COQ8B: variants seen among roughly 807,000 people sequenced by gnomAD.
COQ8B encodes the protein coenzyme Q8B.
Under a neutral mutation model 62.0 loss-of-function variants are expected in COQ8B, and 44 were observed. The observed-to-expected ratio is 0.71, with a 90% confidence interval of 0.56 to 0.91. The LOEUF is 0.91. Ranked by LOEUF, COQ8B falls within the 40% of genes least tolerant of loss-of-function variation. The probability of loss-of-function intolerance (pLI) is 0.00; values close to 1 mark genes in which losing one functional copy is unlikely to be tolerated. For synonymous variants in COQ8B, 252 were observed against 289.9 expected (o/e 0.87, Z 1.33); for missense variants, 649 against 731.6 (o/e 0.89, Z 1.30).
At chr19:40,704,502 G>A (rs1468558420) in intron 7 of COQ8B, 1 of 153,256 alleles carries the variant, frequency 6.5e-6, no homozygotes, top group Admixed American at 6.5e-5. Context: ...CAGTTACTGT[G>A]ATCAAGAAGA....
In COQ8B at chr19:40,703,639, G is replaced by A. The variant is rs1251820003; in HGVS notation, c.718-17C>T. 2 of 1,613,314 alleles carry A rather than the reference G, an allele frequency of 1.2e-6. No homozygotes were observed. The highest frequency in any genetic ancestry group is 1.7e-6 in the Non-Finnish European group (2 of 1,179,600). ...GCCGGGGTACTGTAAAGGGAGAAGG[G>A]AGGGAGAGAAGGTGGGAGTCACTTC... On this transcript the variant is annotated splice_polypyrimidine_tract_variant and intron_variant, in intron 8 of 14. Transcript: ENST00000324464.
At chr19:40,704,447 G>A (rs2082084988) in intron 7 of COQ8B, 1 of 153,338 alleles carries the variant, frequency 6.5e-6, no homozygotes, top group African/African-American at 2.4e-5. Context: ...CATTACACGT[G>A]GCCAACCATC....
chr19:40,701,812 TAC>T (rs2082062928), intron 10 of COQ8B, among the ~76,000 whole-genome samples: 1 of 152,172 alleles, frequency 6.6e-6, no homozygotes. Context: ...ACTCTCTGTC[TAC>T]AGAGCTTGGC....
Position 40,692,368 on chromosome 19 carries a change from G to C in COQ8B, c.1302C>G (p.Phe434Leu), listed in dbSNP as rs780604172. ...KFLTGFETKAFSDAHVEAVMI... is the reference protein window; with the variant it reads ...KFLTGFETKALSDAHVEAVMI... The stretch of plus-strand genomic sequence containing the variant: ...TCACTGCCTCCACGTGGGCGTCGGA[G>C]AATGCCTGGGAGTGGGGGTGGGGGG... Residue 434 changes from phenylalanine (F) to leucine (L), a missense_variant, in exon 15 of 15, where the codon TTC (phenylalanine) becomes TTG (leucine). By Grantham distance (22) the Phe-to-Leu change is conservative (BLOSUM62 0). Transcript: ENST00000324464. 23 of 1,612,814 alleles carry C rather than the reference G, an allele frequency of 1.4e-5. No individual in the cohort carries two copies. The highest frequency in any genetic ancestry group is 3.3e-5 in the Admixed American group (2 of 59,956).
At position 40,691,748 on chromosome 19, in the gene COQ8B, G is replaced by A. The variant is rs1055235806; in HGVS notation, c.*287C>T. On this transcript the variant is annotated 3_prime_UTR_variant, in exon 15 of 15. Transcript: ENST00000324464. ...CCCTGATGAGTCTGATCTGCATAAC[G>A]ACATGCAGCGGCCCAAGGCTCCCTC... The A allele has an allele frequency of 3.2e-6, 1 of 314,046 alleles. No individual in the cohort carries two copies. The highest frequency in any genetic ancestry group is 2.1e-5 in the African/African-American group (1 of 47,724). 19.5% of individuals were successfully genotyped at this position (314,046 alleles called of 1,614,324 possible). A position where few individuals can be genotyped will look rare whatever the true frequency, so the allele number is the denominator to read the frequency against.
chr19:40,692,070 G>A lies in COQ8B; in HGVS notation c.1600C>T (p.Pro534Ser). 6 of 1,607,886 alleles carry A rather than the reference G, an allele frequency of 3.7e-6. No homozygotes were observed. The highest frequency in any genetic ancestry group is 5.1e-6 in the Non-Finnish European group (6 of 1,177,368). Residue 534 changes from proline to serine, a missense_variant, in exon 15 of 15, where the codon CCC (proline) becomes TCC (serine). Coordinates refer to ENST00000324464, the MANE Select transcript of COQ8B (RefSeq NM_024876.4). ...TCCACCCAGGAGTCCCCTTTGGTGG[G>A]GAGGCTGCCGGCAGTGGCTGCGTCT... ...QPDAATAGSL[P>S]TKGDSWVDPS
chr19:40,692,868 CGA>C, intron 14 of COQ8B, 81 bp downstream of exon 14: 2 of 1,236,504 alleles, frequency 1.6e-6, no homozygotes, highest in South Asian at 2.6e-5. Context: ...ATCACCTACT[CGA>C]GTTCCTCAGT....
intron 5 of COQ8B, among the ~76,000 whole-genome samples, chr19:40,709,751 A>G (rs1050181335): frequency 3.3e-5 from 5 of 152,180 alleles, no homozygotes; most frequent in African/African-American, 4.8e-5. Context: ...CTGAGGCAGG[A>G]GAATTGCTTA....
At chr19:40,711,539 C>T (rs1457314589) in intron 4 of COQ8B, among the ~76,000 whole-genome samples, 2 of 152,146 alleles carry the variant, frequency 1.3e-5, no homozygotes, top group Non-Finnish European at 2.9e-5. Context: ...CTTTCTAAGC[C>T]AGTTATTTCT....
intron 10 of COQ8B, among the ~76,000 whole-genome samples, chr19:40,702,327 A>G (rs2082066357): frequency 3.0e-5 from 1 of 33,868 alleles, no homozygotes; most frequent in Non-Finnish European, 6.5e-5. Context: ...GTCATTGTGT[A>G]ATTAATTAAG....
chr19:40,711,298 C>T (rs559768378), intron 4 of COQ8B, among the ~76,000 whole-genome samples: 208 of 152,188 alleles, frequency 1.4e-3, no homozygotes, highest in African/African-American at 4.8e-3. Context: ...ATGGCACCAT[C>T]ATAACTCACT....
rs1378454843 is a variant in COQ8B, at chr19:40,692,330, T to C, written c.1340A>G (p.Glu447Gly). Reference sequence around the variant, plus strand: ...ATAAGGGCCCTGGGTGGCGAAAGGCTCCCCCAGGATCATCACTGCCTCCAC... The same window carrying C: ...ATAAGGGCCCTGGGTGGCGAAAGGCCCCCCCAGGATCATCACTGCCTCCAC... Reference protein sequence around the residue: ...AHVEAVMILGEPFATQGPYDF... With the variant: ...AHVEAVMILGGPFATQGPYDF... Residue 447 changes from glutamate to glycine, a missense_variant, in exon 15 of 15, where the codon GAG (glutamate) becomes GGG (glycine). Transcript: ENST00000324464. 6.2e-7 allele frequency: 1 copy of C among 1,613,012 alleles called. No individual in the cohort carries two copies. Among genetic ancestry groups the C allele is most frequent in the African/African-American group, 1.3e-5 (1 of 74,644 alleles).
rs967969497 is a variant in COQ8B at position 40,703,829 on chromosome 19, C to T, written c.603G>A (p.Arg201=). The T allele has an allele frequency of 3.1e-6, 5 of 1,612,080 alleles. No individual in the cohort carries two copies. In the African/African-American group the frequency reaches 4.0e-5, roughly 13 times the overall value. Reference sequence around the variant, plus strand: ...AGGAGGCCACCTTGGCCTGCCAGTCCCTGCCGAGCTCCTCTTCAAGAACTC... The same window carrying T: ...AGGAGGCCACCTTGGCCTGCCAGTCTCTGCCGAGCTCCTCTTCAAGAACTC... ...MLRVLEEELG[R]DWQAKVASLE... The change falls in exon 8 of 15, where the codon AGG becomes AGA. Residue 201 remains arginine, a synonymous_variant. Coordinates refer to ENST00000324464, the MANE Select transcript of COQ8B (RefSeq NM_024876.4).
intron 12 of COQ8B, among the ~76,000 whole-genome samples, chr19:40,696,546 TC>T (rs2082016519): frequency 6.6e-6 from 1 of 151,604 alleles, no homozygotes; most frequent in Non-Finnish European, 1.5e-5. Flanking sequence ...GTGCCTGTAA[TC>T]CCAGCTACTT....
chr19:40,703,082 C>T (rs1242881658), intron 9 of COQ8B, among the ~76,000 whole-genome samples: 1 of 152,176 alleles, frequency 6.6e-6, no homozygotes, highest in African/African-American at 2.4e-5. Flanking sequence ...ACGCCTGCCT[C>T]TATTCTGTCT....
At chr19:40,712,263 C>T (rs892179672) in intron 4 of COQ8B, among the ~76,000 whole-genome samples, 1 of 151,654 alleles carries the variant, frequency 6.6e-6, no homozygotes, top group Non-Finnish European at 1.5e-5. Context: ...ATGGTGAAAC[C>T]CCATCTCTAC....
chr19:40,694,413 C>T (rs548858561), intron 13 of COQ8B, among the ~76,000 whole-genome samples: 11 of 152,236 alleles, frequency 7.2e-5, no homozygotes, highest in Admixed American at 2.0e-4. Flanking sequence ...GGATACAGTA[C>T]GAGCTGTAGA....
intron 5 of COQ8B, 21 bp from the exon 6 acceptor site, chr19:40,705,468 A>T: frequency 7.8e-6 from 12 of 1,528,952 alleles, no homozygotes; most frequent in Non-Finnish European, 1.1e-5. Flanking sequence ...AACAACCATT[A>T]GAATTATAAC....
Position 40,700,105 on chromosome 19 carries a change from T to TG in COQ8B, c.1104dup (p.Asn369GlnfsTer8). 2 of 1,614,236 alleles carry TG rather than the reference T, an allele frequency of 1.2e-6. No individual in the cohort carries two copies. The highest frequency in any genetic ancestry group is 1.7e-6 in the Non-Finnish European group (2 of 1,180,038). On this transcript the variant is annotated frameshift_variant, in exon 12 of 15. Transcript: ENST00000324464. LOFTEE classifies it high-confidence loss of function. ...GCATCATACAGGAAGTTGGCCCAGT[T>TG]GGGGTCAGTCTGCATGAATCGGAAC...
Sources: gnomAD v4.1 joint callset for allele counts (sites outside exome capture counted in the v4.1 genomes callset) on GRCh38, gnomAD v4.1.1 for gene constraint, MANE v1.5 for transcripts, NCBI Gene and HGNC (gene_info 2026-07-23, HGNC 2026-07-21) for gene names.